UNC5A: variants seen among roughly 807,000 people sequenced by gnomAD.
The protein encoded by UNC5A is unc-5 netrin receptor A, also known as netrin receptor UNC5A.
Under a neutral mutation model 87.4 loss-of-function variants are expected in UNC5A, and 20 were observed. The observed-to-expected ratio is 0.23, with a 90% confidence interval of 0.16 to 0.33. The LOEUF (loss-of-function observed/expected upper bound fraction) is 0.33. UNC5A is among the 10% of genes least tolerant of loss of function. UNC5A has a pLI of 1.00. For missense variants in UNC5A, 844 were observed against 1,133.4 expected, an observed-to-expected ratio of 0.74 and a Z score of 3.67; for synonymous variants, 438 against 482.3, an observed-to-expected ratio of 0.91 and a Z score of 1.20.
chr5:176,867,327 A>G (rs1420473869), intron 2 of UNC5A, among the ~76,000 whole-genome samples: 58 of 152,150 alleles, frequency 3.8e-4, no homozygotes, highest in Admixed American at 3.8e-3. Flanking sequence ...GATATGGCAG[A>G]AGGTGGGGGG....
At chr5:176,818,334 G>T (rs1043860010) in intron 1 of UNC5A, among the ~76,000 whole-genome samples, 2 of 152,202 alleles carry the variant, frequency 1.3e-5, no homozygotes, top group Admixed American at 1.3e-4. Flanking sequence ...CCAGGTCCCG[G>T]CTGTCCTCTG....
At chr5:176,811,957 T>C (rs1756466938) in intron 1 of UNC5A, among the ~76,000 whole-genome samples, 1 of 152,068 alleles carries the variant, frequency 6.6e-6, no homozygotes, top group South Asian at 2.1e-4. Flanking sequence ...AGCCTGATGA[T>C]TGAGGCCGAT....
intron 1 of UNC5A, among the ~76,000 whole-genome samples, chr5:176,817,458 G>T (rs1411199036): frequency 6.6e-6 from 1 of 152,146 alleles, no homozygotes; most frequent in East Asian, 1.9e-4. Flanking sequence ...GGGGTCTACG[G>T]GAGTACTCCC....
At position 176,879,951 on chromosome 5, in the gene UNC5A, C is replaced by T. The variant is rs905258212; in HGVS notation, c.*65C>T. The T allele has an allele frequency of 1.0e-5, 16 of 1,532,772 alleles. No homozygotes were observed. The highest frequency in any genetic ancestry group is 7.7e-5 in the Admixed American group (4 of 51,874). 94.9% of individuals were successfully genotyped at this position (1,532,772 alleles called of 1,614,324 possible). A position where few individuals can be genotyped will look rare whatever the true frequency, so the allele number is the denominator to read the frequency against. ...GCACCCACCAAGGACAGGCAGAAGCCGGACAGGGGCCCTTCCCCACACCGG... is the reference window on the plus strand; with the variant it reads ...GCACCCACCAAGGACAGGCAGAAGCTGGACAGGGGCCCTTCCCCACACCGG... On this transcript the variant is annotated 3_prime_UTR_variant, in exon 15 of 15. Coordinates refer to ENST00000329542, the MANE Select transcript of UNC5A (RefSeq NM_133369.3).
At chr5:176,849,404 G>C (rs921894369) in intron 1 of UNC5A, among the ~76,000 whole-genome samples, 13 of 152,162 alleles carry the variant, frequency 8.5e-5, no homozygotes, top group Non-Finnish European at 1.8e-4. Context: ...GGCCAACATG[G>C]TGAAACCCCG....
chr5:176,825,471 T>G (rs1403583445), intron 1 of UNC5A, among the ~76,000 whole-genome samples: 1 of 152,046 alleles, frequency 6.6e-6, no homozygotes, highest in Non-Finnish European at 1.5e-5. Flanking sequence ...AGGAGTGAAC[T>G]GGGACAGTGT....
At chr5:176,823,178 G>C (rs1756770514) in intron 1 of UNC5A, among the ~76,000 whole-genome samples, 1 of 148,330 alleles carries the variant, frequency 6.7e-6, no homozygotes, top group African/African-American at 2.5e-5. Flanking sequence ...CTGCATGTGG[G>C]GGGGCGAGGG....
At position 176,862,787 on chromosome 5, in the gene UNC5A, C is replaced by T. The variant is rs61739494; in HGVS notation, c.234C>T (p.Asn78=). The T allele has an allele frequency of 0.014, 22,780 of 1,613,462 alleles. 292 individuals carry two copies. The highest frequency in any genetic ancestry group is 0.044 in the South Asian group (3,989 of 91,068). Residue 78 remains asparagine, a synonymous_variant, in exon 2 of 15, where the codon AAC becomes AAT. Transcript: ENST00000329542. ...CCACGCAGATCTTCTTCAAGTGCAA[C>T]GGGGAGTGGGTGCGCCAGGTGGACC... ...VPATQIFFKC[N]GEWVRQVDHV... is the part of the protein sequence containing the mutation.
rs1757269850 is a variant in UNC5A, at chr5:176,841,262, C to T, written c.71-21362C>T. 6.6e-6 allele frequency among the ~76,000 whole-genome samples: 1 copy of T among 152,180 alleles called. No homozygotes were observed. Among genetic ancestry groups the T allele is most frequent in the East Asian group, 1.9e-4 (1 of 5,200 alleles). ...TCAGTGACACAGGTGATTGTGGGTG[C>T]CGTTTGCAGACAGAGCTGTGCCAGA... On this transcript the variant is annotated intron_variant, in intron 1 of 14. Coordinates refer to ENST00000329542, the MANE Select transcript of UNC5A (RefSeq NM_133369.3). This position sits in a 1 kb window ranked among gnomAD's most constrained non-coding sequence, Gnocchi z 4.1.
chr5:176,867,891 C>G (rs1188691120), intron 2 of UNC5A, among the ~76,000 whole-genome samples: 1 of 152,060 alleles, frequency 6.6e-6, no homozygotes, highest in Non-Finnish European at 1.5e-5. Flanking sequence ...GAAGGTCTAC[C>G]CTGCCTGCCC....
In UNC5A at chr5:176,869,477, C is replaced by A; in HGVS notation, c.721+513C>A. ...CAGCAGGCACGAGCATGGCCTCCCC[C>A]AGGCCTTCTCTCCCAGCTCAGCCAC... On this transcript the variant is annotated intron_variant, in intron 5 of 14. Coordinates refer to ENST00000329542, the MANE Select transcript of UNC5A (RefSeq NM_133369.3). The surrounding 1 kb of genome is among the most constrained non-coding windows in gnomAD (Gnocchi z 9.1). 1.7e-6 allele frequency: 1 copy of A among 587,138 alleles called. No homozygotes were observed. The highest frequency in any genetic ancestry group is 3.1e-6 in the Non-Finnish European group (1 of 326,608). The allele number at this position is 587,138 out of a possible 1,614,324, so 36.4% of individuals were successfully genotyped here. A position where few individuals can be genotyped will look rare whatever the true frequency, so the allele number is the denominator to read the frequency against.
chr5:176,835,657 G>A (rs1757134256), intron 1 of UNC5A, among the ~76,000 whole-genome samples: 1 of 152,108 alleles, frequency 6.6e-6, no homozygotes, highest in African/African-American at 2.4e-5. Flanking sequence ...GGGCGTGGGT[G>A]TGAACTCTTG....
At position 176,869,547 on chromosome 5, in the gene UNC5A, G is replaced by A. The variant is rs554600032; in HGVS notation, c.721+583G>A. 1.5e-4 allele frequency: 98 copies of A among 660,642 alleles called. 1 individual carries two copies. The highest frequency in any genetic ancestry group is 9.6e-4 in the East Asian group (35 of 36,296). 40.9% of individuals were successfully genotyped at this position (660,642 alleles called of 1,614,324 possible). A position where few individuals can be genotyped will look rare whatever the true frequency, so the allele number is the denominator to read the frequency against. ...CACAGCCCCTCTGCCCTCACGCCCC[G>A]TCCCCTGGGCCAGTGTATCTGAGGA... On this transcript the variant is annotated intron_variant, in intron 5 of 14. Coordinates refer to ENST00000329542, the MANE Select transcript of UNC5A (RefSeq NM_133369.3). The surrounding 1 kb of genome is among the most constrained non-coding windows in gnomAD (Gnocchi z 9.1).
chr5:176,875,483 A>C lies in UNC5A; in HGVS notation c.1378+917A>C, dbSNP rs1416115155. Among the ~76,000 whole-genome samples the C allele has an allele frequency of 1.3e-5, 2 of 151,750 alleles. No individual in the cohort carries two copies. Among genetic ancestry groups the C allele is most frequent in the Admixed American group, 6.6e-5 (1 of 15,246 alleles). On this transcript the variant is annotated intron_variant, in intron 8 of 14. Coordinates refer to ENST00000329542, the MANE Select transcript of UNC5A (RefSeq NM_133369.3). This position sits in a 1 kb window ranked among gnomAD's most constrained non-coding sequence, Gnocchi z 5.2. The stretch of plus-strand genomic sequence containing the variant: ...TCCTCTCTTGCCCCCCGCCAGCTTC[A>C]GTCCCACGCCAGTCCCTCCTCAATA...
rs549103455 is a variant in UNC5A at position 176,869,541 on chromosome 5, C to T, written c.721+577C>T. On this transcript the variant is annotated intron_variant, in intron 5 of 14. Transcript: ENST00000329542. The surrounding 1 kb of genome is among the most constrained non-coding windows in gnomAD (Gnocchi z 9.1). ...CCAGCTCACAGCCCCTCTGCCCTCACGCCCCGTCCCCTGGGCCAGTGTATC... is the reference window on the plus strand; with the variant it reads ...CCAGCTCACAGCCCCTCTGCCCTCATGCCCCGTCCCCTGGGCCAGTGTATC... 45 of 655,156 alleles carry T rather than the reference C, an allele frequency of 6.9e-5. No individual in the cohort carries two copies. Among genetic ancestry groups the T allele is most frequent in the Non-Finnish European group, 1.0e-4 (36 of 357,420 alleles). The allele number at this position is 655,156 out of a possible 1,614,324, so 40.6% of individuals were successfully genotyped here.
Position 176,838,854 on chromosome 5 carries a change from G to T in UNC5A, c.71-23770G>T, listed in dbSNP as rs1216454971. Among the ~76,000 whole-genome samples the T allele has an allele frequency of 6.6e-6, 1 of 152,260 alleles. No homozygotes were observed. Among genetic ancestry groups the T allele is most frequent in the African/African-American group, 2.4e-5 (1 of 41,466 alleles). ...CATCTCAAACCAATCACCAGAGCCAGGGCAGGAGATAGCATTGGTTTAAGC... is the reference window on the plus strand; with the variant it reads ...CATCTCAAACCAATCACCAGAGCCATGGCAGGAGATAGCATTGGTTTAAGC... On this transcript the variant is annotated intron_variant, in intron 1 of 14. Coordinates refer to ENST00000329542, the MANE Select transcript of UNC5A (RefSeq NM_133369.3). The surrounding 1 kb of genome is among the most constrained non-coding windows in gnomAD (Gnocchi z 4.2).
chr5:176,831,333 C>T (rs1018089544), intron 1 of UNC5A, among the ~76,000 whole-genome samples: 14 of 152,154 alleles, frequency 9.2e-5, no homozygotes, highest in South Asian at 2.1e-4. Context: ...TATGGAACCC[C>T]CAGGGCCCCT....
chr5:176,861,795 A>G (rs532740834), intron 1 of UNC5A, among the ~76,000 whole-genome samples: 225 of 144,172 alleles, frequency 1.6e-3, no homozygotes, highest in African/African-American at 5.2e-3. Flanking sequence ...GTGAATGCGC[A>G]TTGGTGGGGG....
intron 1 of UNC5A, among the ~76,000 whole-genome samples, chr5:176,852,431 G>A (rs1195417381): frequency 6.6e-6 from 1 of 152,114 alleles, no homozygotes; most frequent in East Asian, 1.9e-4. Context: ...AGGATCCCAA[G>A]GCAGGAAAGC....
Sources: gnomAD v4.1 joint callset for allele counts (sites outside exome capture counted in the v4.1 genomes callset) on GRCh38, gnomAD v4.1.1 for gene constraint, Gnocchi (gnomAD v3.1) non-coding constraint, MANE v1.5 for transcripts, NCBI Gene and HGNC (gene_info 2026-07-23, HGNC 2026-07-21) for gene names.